Variants in CNKSR3 observed in about 807,000 individuals in gnomAD.
CNKSR3 encodes CNKSR family member 3.
Under a neutral mutation model 67.7 loss-of-function variants are expected in CNKSR3, and 36 were observed. The observed-to-expected ratio is 0.53, with a 90% CI of 0.41 to 0.70. CNKSR3 has a LOEUF of 0.70. CNKSR3 is among the 30% of genes least tolerant of loss of function. The pLI, the probability that CNKSR3 is intolerant of heterozygous loss-of-function variation, is 0.00. For missense variants in CNKSR3, 630 were observed against 695.2 expected, an observed-to-expected ratio of 0.91 and a Z score of 1.05; for synonymous variants, 281 against 271.4, an observed-to-expected ratio of 1.04 and a Z score of -0.35.
rs763678143 is a variant in CNKSR3 at position 154,422,898 on chromosome 6, TC to T, written c.798+16del. 6.3e-7 allele frequency: 1 copy of T among 1,579,480 alleles called. No individual in the cohort carries two copies. The highest frequency in any genetic ancestry group is 1.2e-5 in the South Asian group (1 of 86,406). ...AAGTTTTAAGGAGGAAAATTGAGCC[TC>T]AATAAACAAACTCACCACAGTTTGC... On this transcript the variant is annotated intron_variant, in intron 8 of 12. Coordinates refer to ENST00000607772, the MANE Select transcript of CNKSR3 (RefSeq NM_173515.4).
At chr6:154,437,282 A>G (rs1314882708) in intron 4 of CNKSR3, among the ~76,000 whole-genome samples, 1 of 152,104 alleles carries the variant, frequency 6.6e-6, no homozygotes, top group Non-Finnish European at 1.5e-5. Flanking sequence ...GTTCAATCTC[A>G]TTGCTACCAT....
At chr6:154,434,000 A>G (rs967128149) in intron 4 of CNKSR3, 6 of 152,774 alleles carry the variant, frequency 3.9e-5, no homozygotes, top group African/African-American at 1.4e-4. Flanking sequence ...TTTAAGCACC[A>G]CTGAGATTAA....
intron 6 of CNKSR3, 142 bp downstream of exon 6, chr6:154,430,330 A>C: frequency 1.6e-6 from 1 of 644,032 alleles, no homozygotes; most frequent in Non-Finnish European, 2.5e-6. Flanking sequence ...AAGATAGCAC[A>C]TTCCTAATTA....
At chr6:154,441,701 T>C (rs1312146559) in intron 3 of CNKSR3, among the ~76,000 whole-genome samples, 1 of 145,716 alleles carries the variant, frequency 6.9e-6, no homozygotes, top group Non-Finnish European at 1.5e-5. Context: ...AAGTGACACA[T>C]AAAATAGCAA....
intron 5 of CNKSR3, among the ~76,000 whole-genome samples, chr6:154,432,901 T>G (rs149205311): frequency 1.3e-5 from 2 of 152,358 alleles, no homozygotes; most frequent in African/African-American, 4.8e-5. Context: ...AGTGATACTT[T>G]TTACATTCCT....
At chr6:154,508,563 T>C (rs1205665332) in intron 1 of CNKSR3, among the ~76,000 whole-genome samples, 2 of 152,206 alleles carry the variant, frequency 1.3e-5, no homozygotes, top group Non-Finnish European at 2.9e-5. Context: ...CTAGGGAATT[T>C]GGCAGCATCT....
At chr6:154,483,078 C>T (rs953306932) in intron 1 of CNKSR3, among the ~76,000 whole-genome samples, 1 of 152,180 alleles carries the variant, frequency 6.6e-6, no homozygotes, top group Non-Finnish European at 1.5e-5. Context: ...TGCATCCACA[C>T]CTTTACCCCA....
chr6:154,487,542 A>G (rs1441671399), intron 1 of CNKSR3, among the ~76,000 whole-genome samples: 3 of 152,224 alleles, frequency 2.0e-5, no homozygotes, highest in Non-Finnish European at 4.4e-5. Context: ...GTCACCCTGC[A>G]GCAGCCACAA....
chr6:154,445,067 GCTTTAA>G (rs1432181249), intron 2 of CNKSR3, among the ~76,000 whole-genome samples: 8 of 151,816 alleles, frequency 5.3e-5, no homozygotes, highest in South Asian at 2.1e-4. Flanking sequence ...ACAACAAAAG[GCTTTAA>G]CTTTAACAAA....
intron 1 of CNKSR3, among the ~76,000 whole-genome samples, chr6:154,474,636 C>G (rs1786405327): frequency 6.6e-6 from 1 of 152,144 alleles, no homozygotes; most frequent in South Asian, 2.1e-4. Flanking sequence ...CTTGGGAAGG[C>G]AGCTGGGCCA....
chr6:154,397,014 G>A lies in CNKSR3; in HGVS notation c.*9340C>T, dbSNP rs1017352275. On this transcript the variant is annotated 3_prime_UTR_variant, in exon 13 of 13. Transcript: ENST00000607772. ...GTAGAGACGGGGTTTCACCGTGTTA[G>A]CCAGGATGGTCTCGATCTCCTGACC... 6.6e-6 allele frequency: 1 copy of A among 151,526 alleles called. No individual in the cohort carries two copies. Among genetic ancestry groups the A allele is most frequent in the African/African-American group, 2.4e-5 (1 of 41,188 alleles). 9.4% of individuals were successfully genotyped at this position (151,526 alleles called of 1,614,324 possible).
intron 12 of CNKSR3, among the ~76,000 whole-genome samples, chr6:154,408,308 C>A (rs1784843769): frequency 6.6e-6 from 1 of 152,202 alleles, no homozygotes; most frequent in African/African-American, 2.4e-5. Context: ...CAGGTGTGAG[C>A]CACCGCACCT....
At chr6:154,419,283 G>A (rs944905755) in intron 9 of CNKSR3, among the ~76,000 whole-genome samples, 1 of 152,084 alleles carries the variant, frequency 6.6e-6, no homozygotes, top group African/African-American at 2.4e-5. Flanking sequence ...GGGCTCAAAC[G>A]ATCCTCCTTC....
At position 154,389,463 on chromosome 6, in the gene CNKSR3, G is replaced by A. The variant is rs777819174; in HGVS notation, c.*16891C>T. ...CATTCACATATATGTCTATCTGTTG[G>A]CCAGTAACATACTGTTTTGATTACT... On this transcript the variant is annotated 3_prime_UTR_variant, in exon 13 of 13. Transcript: ENST00000607772. 8 of 152,118 alleles carry A rather than the reference G, an allele frequency of 5.3e-5. No individual in the cohort carries two copies. Among genetic ancestry groups the A allele is most frequent in the Admixed American group, 3.3e-4 (5 of 15,248 alleles). 9.4% of individuals were successfully genotyped at this position (152,118 alleles called of 1,614,324 possible).
At chr6:154,502,921 T>C (rs1036749408) in intron 1 of CNKSR3, among the ~76,000 whole-genome samples, 4 of 151,988 alleles carry the variant, frequency 2.6e-5, no homozygotes, top group Non-Finnish European at 5.9e-5. Flanking sequence ...GACACAGGCA[T>C]GGGGACACAG....
At chr6:154,469,922 A>G (rs1238598353) in intron 1 of CNKSR3, among the ~76,000 whole-genome samples, 4 of 152,160 alleles carry the variant, frequency 2.6e-5, no homozygotes, top group Non-Finnish European at 4.4e-5. Flanking sequence ...TGCATTCATG[A>G]CATACCTTTT....
Position 154,432,431 on chromosome 6 carries a change from T to C in CNKSR3, c.549+1035A>G, listed in dbSNP as rs1032807160. On this transcript the variant is annotated intron_variant, in intron 5 of 12. Coordinates refer to ENST00000607772, the MANE Select transcript of CNKSR3 (RefSeq NM_173515.4). ...TTTTGGATACAAGTCCTTTATCTGA[T>C]AGGTGTTTTGAAAATATATATCCTC... Among the ~76,000 whole-genome samples the C allele has an allele frequency of 3.9e-5, 6 of 152,326 alleles. No individual in the cohort carries two copies. In the South Asian group the frequency reaches 6.2e-4, roughly 16 times the overall value.
chr6:154,436,081 C>T (rs187642098), intron 4 of CNKSR3, among the ~76,000 whole-genome samples: 92 of 152,366 alleles, frequency 6.0e-4, no homozygotes, highest in Admixed American at 1.5e-3. Context: ...GCTGAGAATT[C>T]GGTGTGATGG....
chr6:154,429,806 T>A (rs1319369610), intron 6 of CNKSR3, among the ~76,000 whole-genome samples: 2 of 152,152 alleles, frequency 1.3e-5, no homozygotes, highest in Non-Finnish European at 2.9e-5. Context: ...GCTTGGTGCC[T>A]GGTACTTGGC....
Sources: allele counts gnomAD v4.1 joint callset (sites outside exome capture counted in the v4.1 genomes callset), GRCh38; gene constraint gnomAD v4.1.1; transcripts MANE v1.5; gene names NCBI Gene and HGNC (gene_info 2026-07-23, HGNC 2026-07-21).